The following WDR88 variants were observed in gnomAD, a reference collection of about 807,000 sequenced individuals.
The protein encoded by WDR88 is WD repeat domain 88, also known as WD repeat-containing protein 88.
Under a neutral mutation model 46.8 loss-of-function variants are expected in WDR88, and 40 were observed. That is an observed-to-expected ratio of 0.86 (90% confidence interval 0.66 to 1.11). WDR88 has a LOEUF of 1.11. Among genes scored for constraint, WDR88 ranks in the 50% most tolerant of loss-of-function variants. The pLI, the probability that WDR88 is intolerant of heterozygous loss-of-function variation, is 0.00. For synonymous variants in WDR88, 235 were observed against 240.7 expected (o/e 0.98, Z 0.22); for missense variants, 562 against 602.4 (o/e 0.93, Z 0.70).
intron 8 of WDR88, among the ~76,000 whole-genome samples, chr19:33,162,918 T>C (rs189862961): frequency 6.6e-6 from 1 of 151,414 alleles, no homozygotes; most frequent in Non-Finnish European, 1.5e-5. Context: ...ATAGAATGGG[T>C]AGGGCGCAGT....
chr19:33,169,666 C>CAAAAA (rs33941385), intron 9 of WDR88, among the ~76,000 whole-genome samples: 2 of 81,738 alleles, frequency 2.4e-5, no homozygotes, highest in African/African-American at 4.3e-5. Flanking sequence ...GACCCAGTCT[C>CAAAAA]AAAAAAAAAA....
chr19:33,138,122 C>T (rs1430837832), intron 2 of WDR88, among the ~76,000 whole-genome samples: 16 of 151,016 alleles, frequency 1.1e-4, no homozygotes, highest in South Asian at 2.1e-4. Flanking sequence ...CTGCAACCTC[C>T]GCCTCCTGAG....
chr19:33,136,251 C>T (rs1017228428), intron 1 of WDR88, among the ~76,000 whole-genome samples: 5 of 152,042 alleles, frequency 3.3e-5, no homozygotes, highest in Non-Finnish European at 5.9e-5. Flanking sequence ...GACGGGGTTT[C>T]TCCATGTTGG....
rs1973140112 is a variant in WDR88, at chr19:33,132,221, T to C, written c.52T>C (p.Leu18=). The part of the protein sequence containing the change: ...SPTAHDRECK[L]PPPSAPASEY... ...GACAGCCCATGACAGGGAATGCAAG[T>C]TGCCGCCACCCTCCGCCCCCGCCAG... The change falls in exon 1 of 11, where the codon TTG becomes CTG. Residue 18 remains leucine (L), a synonymous_variant. Coordinates refer to ENST00000355868, the MANE Select transcript of WDR88 (RefSeq NM_173479.4). 3.7e-6 allele frequency: 6 copies of C among 1,609,514 alleles called. No homozygotes were observed. In the East Asian group the frequency reaches 1.3e-4, roughly 36 times the overall value.
Position 33,148,797 on chromosome 19 carries a change from T to A in WDR88, c.566T>A (p.Ile189Asn). ...TGGAAGGTCAGGTATGATACCTTCA[T>A]CGTCTCCTGTAAGTTTTCTCCTGAT... is the stretch of plus-strand genomic sequence containing the variant. The part of the protein sequence containing the change: ...LLWKVRYDTF[I>N]VSCKFSPDGK... The change falls in exon 5 of 11, where the codon ATC becomes AAC. Residue 189 changes from isoleucine (I) to asparagine (N), a missense_variant. Coordinates refer to ENST00000355868, the MANE Select transcript of WDR88 (RefSeq NM_173479.4). 1.2e-6 allele frequency: 2 copies of A among 1,614,176 alleles called. No homozygotes were observed. The highest frequency in any genetic ancestry group is 1.7e-6 in the Non-Finnish European group (2 of 1,180,028).
chr19:33,164,587 C>T (rs1973923936), intron 9 of WDR88, among the ~76,000 whole-genome samples: 1 of 152,212 alleles, frequency 6.6e-6, no homozygotes, highest in African/African-American at 2.4e-5. Context: ...GCCTTTGACA[C>T]TGCCCAAGGT....
chr19:33,169,272 T>C (rs1973999304), intron 9 of WDR88, among the ~76,000 whole-genome samples: 1 of 152,128 alleles, frequency 6.6e-6, no homozygotes, highest in South Asian at 2.1e-4. Flanking sequence ...CTTTTGTGCA[T>C]CAAAGGATAC....
Position 33,135,992 on chromosome 19 carries a change from C to T in WDR88, c.277-1685C>T, listed in dbSNP as rs12609519. Among the ~76,000 whole-genome samples, 1,205 of 151,940 alleles carry T rather than the reference C, an allele frequency of 7.9e-3. 15 individuals carry two copies. Among genetic ancestry groups the T allele is most frequent in the East Asian group, 0.035 (182 of 5,162 alleles). On this transcript the variant is annotated intron_variant, in intron 1 of 10. Coordinates refer to ENST00000355868, the MANE Select transcript of WDR88 (RefSeq NM_173479.4). ...GCAGCCTCTACCTCCCAGGTTCAAG[C>T]GATTCTCCTGCCTTAGCCTCCCAAG...
At chr19:33,150,169 G>A (rs1029304083) in intron 5 of WDR88, among the ~76,000 whole-genome samples, 1 of 152,034 alleles carries the variant, frequency 6.6e-6, no homozygotes, top group Non-Finnish European at 1.5e-5. Flanking sequence ...CATTCATTAT[G>A]GGCTGGGCGT....
At chr19:33,154,951 C>A in intron 6 of WDR88, among the ~76,000 whole-genome samples, 1 of 152,154 alleles carries the variant, frequency 6.6e-6, no homozygotes, top group East Asian at 1.9e-4. Context: ...TTGTTTTGCT[C>A]AACCTTTTCT....
chr19:33,139,064 G>T (rs1315659653), intron 2 of WDR88, among the ~76,000 whole-genome samples: 2 of 152,140 alleles, frequency 1.3e-5, no homozygotes, highest in African/African-American at 2.4e-5. Flanking sequence ...CTTCTCATCT[G>T]GAAAACTGAG....
chr19:33,156,636 A>T lies in WDR88; in HGVS notation c.997+94A>T, dbSNP rs953571294. The T allele has an allele frequency of 2.2e-6, 3 of 1,380,858 alleles. No individual in the cohort carries two copies. The African/African-American group carries it at 4.3e-5, about 20-fold the overall frequency. 85.5% of individuals were successfully genotyped at this position (1,380,858 alleles called of 1,614,324 possible). A position where few individuals can be genotyped will look rare whatever the true frequency, so the allele number is the denominator to read the frequency against. ...TCAAATGGACAGAGAGGCAATTTCC[A>T]ATGATGCTGACAGGGAGGGCGGATT... On this transcript the variant is annotated intron_variant, in intron 7 of 10. Coordinates refer to ENST00000355868, the MANE Select transcript of WDR88 (RefSeq NM_173479.4).
At chr19:33,174,016 ATTGTT>A (rs1974083546) in intron 10 of WDR88, among the ~76,000 whole-genome samples, 1 of 151,376 alleles carries the variant, frequency 6.6e-6, no homozygotes, top group South Asian at 2.1e-4. Flanking sequence ...ACGCTGGCTA[ATTGTT>A]TTGTGTTTTT....
intron 9 of WDR88, among the ~76,000 whole-genome samples, chr19:33,168,280 C>T (rs767953329): frequency 1.1e-4 from 16 of 152,188 alleles, no homozygotes; most frequent in Non-Finnish European, 2.2e-4. Context: ...CCCGCCTCGG[C>T]CTCCCAAAGT....
chr19:33,157,391 G>A (rs796669587), intron 7 of WDR88, among the ~76,000 whole-genome samples: 5 of 149,832 alleles, frequency 3.3e-5, no homozygotes, highest in African/African-American at 7.4e-5. Flanking sequence ...CCAGCTATTC[G>A]GGAGCCTCAG....
intron 2 of WDR88, among the ~76,000 whole-genome samples, chr19:33,139,813 T>C (rs1568359424): frequency 6.6e-6 from 1 of 150,428 alleles, no homozygotes; most frequent in Admixed American, 6.7e-5. Flanking sequence ...AAAATATGCA[T>C]ACACACACAC....
At chr19:33,144,613 C>T (rs1973471902) in intron 2 of WDR88, among the ~76,000 whole-genome samples, 2 of 152,162 alleles carry the variant, frequency 1.3e-5, no homozygotes, top group African/African-American at 2.4e-5. Context: ...TCTGGAATTG[C>T]GGGGTAATTT....
intron 9 of WDR88, among the ~76,000 whole-genome samples, 163 bp downstream of exon 9, chr19:33,164,428 T>A (rs928878799): frequency 3.3e-5 from 5 of 152,278 alleles, no homozygotes; most frequent in Non-Finnish European, 7.3e-5. Flanking sequence ...CATGTCCTTC[T>A]ATGCGCAAAC....
chr19:33,152,082 C>T (rs536412281), intron 6 of WDR88, among the ~76,000 whole-genome samples: 1 of 150,756 alleles, frequency 6.6e-6, no homozygotes, highest in South Asian at 2.1e-4. Context: ...AAATACAAAA[C>T]TTAGCTGGGC....
Sources: gnomAD v4.1 joint callset for allele counts (sites outside exome capture counted in the v4.1 genomes callset) on GRCh38, gnomAD v4.1.1 for gene constraint, MANE v1.5 for transcripts, NCBI Gene and HGNC (gene_info 2026-07-23, HGNC 2026-07-21) for gene names.